The following CSTF3 variants were observed in gnomAD, a reference collection of about 807,000 sequenced individuals.
CSTF3 encodes CF-1 77 kDa subunit.
A neutral mutation model predicts 105.8 loss-of-function variants in CSTF3; 29 were observed. The ratio of observed to expected loss-of-function variants is 0.27; its 90% CI spans 0.20 to 0.37. CSTF3 has a LOEUF of 0.37. CSTF3 is among the 10% of genes least tolerant of loss of function. The pLI, the probability that CSTF3 is intolerant of heterozygous loss-of-function variation, is 1.00. For synonymous variants in CSTF3, 252 were observed against 281.9 expected (o/e 0.89, Z 1.06); for missense variants, 357 against 879.3 (o/e 0.41, Z 7.51).
intron 1 of CSTF3, among the ~76,000 whole-genome samples, chr11:33,159,693 G>C (rs1849913544): frequency 6.6e-6 from 1 of 151,558 alleles, no homozygotes; most frequent in South Asian, 2.1e-4. Flanking sequence ...GGATCACAGA[G>C]CGCAGGGAGG....
intron 3 of CSTF3, among the ~76,000 whole-genome samples, chr11:33,125,619 G>T (rs894239080): frequency 1.1e-4 from 16 of 152,172 alleles, no homozygotes; most frequent in African/African-American, 3.9e-4. Context: ...CTTACAGGTA[G>T]GAAGGTGGCA....
chr11:33,101,953 AAAT>A (rs1240576776), intron 10 of CSTF3, among the ~76,000 whole-genome samples: 1 of 152,172 alleles, frequency 6.6e-6, no homozygotes, highest in East Asian at 1.9e-4. Context: ...TAGAATTGAA[AAAT>A]ATAGTATCTG....
intron 3 of CSTF3, among the ~76,000 whole-genome samples, chr11:33,140,463 A>G (rs1028564): frequency 0.56 from 84,490 of 151,868 alleles, 26,093 homozygotes; most frequent in Non-Finnish European, 0.69. Flanking sequence ...AACACACACA[A>G]TGTTCCTGCT....
chr11:33,102,468 T>C (rs753642904), intron 9 of CSTF3, 129 bp from the exon 10 acceptor site: 77 of 752,036 alleles, frequency 1.0e-4, no homozygotes, highest in Non-Finnish European at 1.5e-4. Context: ...GTTAATATAA[T>C]CTAAAAACTA....
intron 3 of CSTF3, among the ~76,000 whole-genome samples, chr11:33,117,900 A>C (rs1855448250): frequency 6.6e-6 from 1 of 151,942 alleles, no homozygotes; most frequent in Admixed American, 6.6e-5. Flanking sequence ...ATATATACTG[A>C]GTAGGAAGAA....
chr11:33,130,365 C>T (rs567233276), intron 3 of CSTF3, among the ~76,000 whole-genome samples: 52 of 152,106 alleles, frequency 3.4e-4, no homozygotes, highest in Admixed American at 9.8e-4. Context: ...CCCAGCTACT[C>T]GGGAGGCTGA....
chr11:33,101,421 G>A (rs927179), intron 10 of CSTF3, among the ~76,000 whole-genome samples: 23 of 151,996 alleles, frequency 1.5e-4, no homozygotes, highest in Non-Finnish European at 8.8e-5. Context: ...ATTTGAGTCC[G>A]ATCCAATTAG....
At chr11:33,093,985 T>G (rs1855194628) in intron 15 of CSTF3, among the ~76,000 whole-genome samples, 1 of 152,136 alleles carries the variant, frequency 6.6e-6, no homozygotes. Context: ...GGATTACAGG[T>G]GTGAGCCACC....
At chr11:33,113,561 C>T (rs61604959) in intron 3 of CSTF3, among the ~76,000 whole-genome samples, 2,191 of 152,176 alleles carry the variant, frequency 0.014, 60 homozygotes, top group African/African-American at 0.05. Flanking sequence ...ATCTGGTACA[C>T]ATACTATCAT....
chr11:33,124,123 ATTTAACAT>A (rs1187597974), intron 3 of CSTF3, among the ~76,000 whole-genome samples: 5 of 152,262 alleles, frequency 3.3e-5, no homozygotes, highest in South Asian at 2.1e-4. Context: ...TGTCAAAACT[ATTTAACAT>A]TTTTTAATGT....
At chr11:33,110,953 G>A (rs12292299) in intron 3 of CSTF3, among the ~76,000 whole-genome samples, 18,752 of 152,082 alleles carry the variant, frequency 0.12, 2,928 homozygotes, top group African/African-American at 0.37. Context: ...AAAGCAGGCC[G>A]GGCATGGTGG....
At chr11:33,092,372 A>T (rs1483648388) in intron 15 of CSTF3, 32 bp from the exon 16 acceptor site, 7 of 1,001,270 alleles carry the variant, frequency 7.0e-6, no homozygotes, top group Non-Finnish European at 1.0e-5. Context: ...TAATTTTTTT[A>T]ATTCACTTTT....
In CSTF3 at chr11:33,085,884, A is replaced by C; in HGVS notation, c.1890+11T>G. 4 of 1,583,234 alleles carry C rather than the reference A, an allele frequency of 2.5e-6. No homozygotes were observed. Among genetic ancestry groups the C allele is most frequent in the Non-Finnish European group, 3.4e-6 (4 of 1,165,862 alleles). On this transcript the variant is annotated intron_variant, in intron 19 of 20. Transcript: ENST00000323959. ...AGAGCCAGTATCTACCATGAAAATA[A>C]GTGAACAAACCTGGAAACAGATAGG...
chr11:33,118,291 C>T (rs1045922053), intron 3 of CSTF3, among the ~76,000 whole-genome samples: 4 of 151,724 alleles, frequency 2.6e-5, no homozygotes, highest in African/African-American at 9.7e-5. Flanking sequence ...TAATTTCAGT[C>T]AAGAATCTCA....
chr11:33,154,551 C>T (rs1222807619), intron 1 of CSTF3, among the ~76,000 whole-genome samples: 1 of 133,046 alleles, frequency 7.5e-6, no homozygotes, highest in African/African-American at 2.8e-5. Flanking sequence ...GGCTGGAGTG[C>T]AGTGGCTGTA....
intron 8 of CSTF3, 145 bp downstream of exon 8, chr11:33,105,422 C>T: frequency 1.4e-6 from 1 of 732,558 alleles, no homozygotes. Context: ...GACTCTCAAA[C>T]CTTGCAAAAA....
chr11:33,110,648 T>G lies in CSTF3; in HGVS notation c.226-2230A>C, dbSNP rs189428884. Among the ~76,000 whole-genome samples, 46 of 152,242 alleles carry G rather than the reference T, an allele frequency of 3.0e-4. No individual in the cohort carries two copies. In the East Asian group the frequency reaches 5.4e-3, roughly 18 times the overall value. On this transcript the variant is annotated intron_variant, in intron 3 of 20. Transcript: ENST00000323959. ...TAGGCATAGAATATTAATAGTTAAT[T>G]CCCAGAAAAGAAAATTTAAATGGTT...
intron 9 of CSTF3, among the ~76,000 whole-genome samples, 193 bp downstream of exon 9, chr11:33,102,914 A>G (rs1855293865): frequency 6.6e-6 from 1 of 152,198 alleles, no homozygotes; most frequent in Non-Finnish European, 1.5e-5. Context: ...TTTCTTCTAA[A>G]CCCAATTTAT....
chr11:33,113,205 CAAAATAAATAAA>C (rs946666073), intron 3 of CSTF3, among the ~76,000 whole-genome samples: 2 of 109,798 alleles, frequency 1.8e-5, no homozygotes, highest in African/African-American at 7.7e-5. Context: ...GACTTTGTCT[CAAAATAAATAAA>C]TAAATAAATA....
Sources: allele counts gnomAD v4.1 joint callset (sites outside exome capture counted in the v4.1 genomes callset), GRCh38; gene constraint gnomAD v4.1.1; transcripts MANE v1.5; gene names NCBI Gene and HGNC (gene_info 2026-07-23, HGNC 2026-07-21).